CA10: variants seen among roughly 807,000 people sequenced by gnomAD.
The protein encoded by CA10 is carbonic anhydrase 10 (inactive).
CA10 carries 14 observed loss-of-function variants against 44.2 expected under a neutral mutation model. The ratio of observed to expected loss-of-function variants is 0.32; its 90% confidence interval spans 0.21 to 0.50. The LOEUF is 0.50. CA10 is among the 20% of genes least tolerant of loss of function. The pLI is 0.99. For synonymous variants in CA10, 159 were observed against 141.6 expected (o/e 1.12, Z -0.87); for missense variants, 350 against 409.7 (o/e 0.85, Z 1.26).
chr17:52,142,870 G>A (rs927515571), intron 1 of CA10, among the ~76,000 whole-genome samples: 5 of 152,210 alleles, frequency 3.3e-5, no homozygotes, highest in Admixed American at 1.3e-4. Context: ...CAGCTTGTAA[G>A]AGGCAGAGTG....
rs111432395 is a variant in CA10, at chr17:51,852,169, C to T, written c.279+78821G>A. ...GTGTTAGAATCAGGGCAGAAGCACC[C>T]GGTTTGTCACTTGCAACATTCATTT... On this transcript the variant is annotated intron_variant, in intron 3 of 8. Transcript: ENST00000451037. 6.7e-4 allele frequency among the ~76,000 whole-genome samples: 102 copies of T among 152,274 alleles called. 1 individual carries two copies. Among genetic ancestry groups the T allele is most frequent in the Middle Eastern group, 3.4e-3 (1 of 294 alleles).
intron 3 of CA10, among the ~76,000 whole-genome samples, chr17:51,892,603 C>A (rs1980906072): frequency 6.6e-6 from 1 of 152,062 alleles, no homozygotes; most frequent in South Asian, 2.1e-4. Flanking sequence ...AACATATGGC[C>A]AATATGGGTT....
chr17:51,984,484 C>A (rs1482342595), intron 2 of CA10, among the ~76,000 whole-genome samples: 3 of 151,448 alleles, frequency 2.0e-5, no homozygotes, highest in Non-Finnish European at 4.4e-5. Context: ...CCAAACCCAA[C>A]AGAAAAAAGG....
At chr17:52,032,779 G>T (rs1322026199) in intron 2 of CA10, among the ~76,000 whole-genome samples, 1 of 152,128 alleles carries the variant, frequency 6.6e-6, no homozygotes, top group African/African-American at 2.4e-5. Context: ...TCTCAGATTT[G>T]CCAGGGAGAA....
At chr17:51,798,558 A>T (rs1462578127) in intron 3 of CA10, among the ~76,000 whole-genome samples, 1 of 152,254 alleles carries the variant, frequency 6.6e-6, no homozygotes, top group African/African-American at 2.4e-5. Context: ...TTTTTGGCAC[A>T]TCTAACTGTG....
At chr17:52,152,936 G>A (rs1989733472) in intron 1 of CA10, among the ~76,000 whole-genome samples, 5 of 152,190 alleles carry the variant, frequency 3.3e-5, no homozygotes, top group South Asian at 2.1e-4. Context: ...GTAGAGTCAC[G>A]TTGAAGGATA....
chr17:51,714,052 A>G (rs1165162292), intron 4 of CA10, among the ~76,000 whole-genome samples: 1 of 152,136 alleles, frequency 6.6e-6, no homozygotes, highest in African/African-American at 2.4e-5. Flanking sequence ...GGTGCCCCTA[A>G]GGAGAGAAAG....
intron 2 of CA10, among the ~76,000 whole-genome samples, chr17:51,997,661 T>G (rs1458769980): frequency 6.6e-6 from 1 of 152,076 alleles, no homozygotes; most frequent in African/African-American, 2.4e-5. Context: ...AGTTAAGCTG[T>G]CCAAGATTCT....
chr17:51,961,754 G>T (rs1983901011), intron 2 of CA10, among the ~76,000 whole-genome samples: 1 of 152,172 alleles, frequency 6.6e-6, no homozygotes, highest in Admixed American at 6.5e-5. Flanking sequence ...GACAAGAAAT[G>T]GGAGGTAGTG....
intron 1 of CA10, among the ~76,000 whole-genome samples, chr17:52,074,784 G>A (rs1987774739): frequency 6.6e-6 from 1 of 151,994 alleles, no homozygotes; most frequent in African/African-American, 2.4e-5. Flanking sequence ...CTAGAACAGA[G>A]ATTGGAAAAC....
intron 3 of CA10, among the ~76,000 whole-genome samples, chr17:51,930,134 G>A (rs1181609613): frequency 6.6e-6 from 1 of 151,918 alleles, no homozygotes; most frequent in Non-Finnish European, 1.5e-5. Context: ...AGAGCCCAAT[G>A]ACCCAAACCC....
chr17:52,019,159 C>T (rs1986060473), intron 2 of CA10, among the ~76,000 whole-genome samples: 1 of 152,024 alleles, frequency 6.6e-6, no homozygotes, highest in African/African-American at 2.4e-5. Flanking sequence ...TACAAAATTC[C>T]AGGTGTTCCT....
intron 3 of CA10, among the ~76,000 whole-genome samples, chr17:51,920,317 AAAGGACAGGGAAAG>A (rs1318594564): frequency 3.9e-5 from 6 of 152,216 alleles, no homozygotes; most frequent in Non-Finnish European, 5.9e-5. Flanking sequence ...AGAGGAAGTG[AAAGGACAGGGAAAG>A]AAGGACAGGG....
intron 4 of CA10, among the ~76,000 whole-genome samples, chr17:51,685,089 C>G (rs1014025158): frequency 6.6e-6 from 1 of 152,188 alleles, no homozygotes; most frequent in Non-Finnish European, 1.5e-5. Context: ...TGAGGACTCT[C>G]ATGCTAAAAA....
At chr17:52,084,374 G>C (rs1988063412) in intron 1 of CA10, among the ~76,000 whole-genome samples, 1 of 152,196 alleles carries the variant, frequency 6.6e-6, no homozygotes. Flanking sequence ...CACAGCATTT[G>C]CTGAGCATGC....
At chr17:51,706,947 C>G (rs187825323) in intron 4 of CA10, among the ~76,000 whole-genome samples, 144 of 152,332 alleles carry the variant, frequency 9.5e-4, no homozygotes, top group African/African-American at 3.2e-3. Flanking sequence ...CCACCCCACA[C>G]TGGACGCCTT....
chr17:51,752,931 A>G (rs908403505), intron 3 of CA10, among the ~76,000 whole-genome samples: 2 of 152,084 alleles, frequency 1.3e-5, no homozygotes, highest in Admixed American at 6.5e-5. Flanking sequence ...AAATAAATAA[A>G]TAAATAAATA....
intron 2 of CA10, among the ~76,000 whole-genome samples, chr17:51,953,820 G>A (rs1255975319): frequency 6.6e-6 from 1 of 151,922 alleles, no homozygotes; most frequent in South Asian, 2.1e-4. Flanking sequence ...GTTGCTCTTA[G>A]ATATATAAAG....
At chr17:51,904,798 C>G (rs1007333552) in intron 3 of CA10, among the ~76,000 whole-genome samples, 3 of 152,030 alleles carry the variant, frequency 2.0e-5, no homozygotes, top group Non-Finnish European at 4.4e-5. Context: ...CTTCTCATGC[C>G]TATCGGAGGC....
Sources: gnomAD v4.1 joint callset for allele counts (sites outside exome capture counted in the v4.1 genomes callset) on GRCh38, gnomAD v4.1.1 for gene constraint, MANE v1.5 for transcripts, NCBI Gene and HGNC (gene_info 2026-07-23, HGNC 2026-07-21) for gene names.